Variants in FRMD4B observed in about 807,000 individuals in gnomAD.
FRMD4B encodes FERM domain-containing protein 4B.
A neutral mutation model predicts 141.5 loss-of-function variants in FRMD4B; 74 were observed. The ratio of observed to expected loss-of-function variants is 0.52; its 90% confidence interval spans 0.43 to 0.63. FRMD4B has a LOEUF of 0.63. Ranked by LOEUF, FRMD4B falls within the 30% of genes least tolerant of loss-of-function variation. FRMD4B has a pLI of 0.00. For missense variants in FRMD4B, 1,366 were observed against 1,253.4 expected, an observed-to-expected ratio of 1.09 and a Z score of -1.36; for synonymous variants, 506 against 467.9, an observed-to-expected ratio of 1.08 and a Z score of -1.05.
chr3:69,318,908 G>T (rs901233578), intron 1 of FRMD4B, among the ~76,000 whole-genome samples: 2 of 152,144 alleles, frequency 1.3e-5, no homozygotes, highest in African/African-American at 4.8e-5. Context: ...GAGCTTTGTG[G>T]TCTCTGGTTC....
At chr3:69,481,798 T>G (rs1706129401) in intron 1 of FRMD4B, among the ~76,000 whole-genome samples, 1 of 152,172 alleles carries the variant, frequency 6.6e-6, no homozygotes, top group South Asian at 2.1e-4. Flanking sequence ...CAGTTGACCT[T>G]GTTGGAGTCA....
chr3:69,287,690 T>C, intron 5 of FRMD4B, 62 bp downstream of exon 5: 1 of 831,974 alleles, frequency 1.2e-6, no homozygotes, highest in Non-Finnish European at 2.0e-6. Flanking sequence ...GCAAAACCAT[T>C]TCTTCCTGTC....
intron 1 of FRMD4B, among the ~76,000 whole-genome samples, chr3:69,440,449 T>C (rs1705326322): frequency 6.6e-6 from 1 of 152,250 alleles, no homozygotes; most frequent in South Asian, 2.1e-4. Context: ...TCTATGGCTT[T>C]ATAATAAATT....
At chr3:69,302,695 A>T (rs1461065075) in intron 3 of FRMD4B, among the ~76,000 whole-genome samples, 1 of 152,196 alleles carries the variant, frequency 6.6e-6, no homozygotes, top group Non-Finnish European at 1.5e-5. Flanking sequence ...ATATGAAATC[A>T]CTCACTGTAG....
chr3:69,495,234 C>T (rs750633627), intron 1 of FRMD4B, among the ~76,000 whole-genome samples: 19 of 152,172 alleles, frequency 1.2e-4, no homozygotes, highest in Non-Finnish European at 2.4e-4. Context: ...GACAAGAACT[C>T]CCAATCCTGC....
chr3:69,476,687 G>A, intron 1 of FRMD4B, among the ~76,000 whole-genome samples: 1 of 151,978 alleles, frequency 6.6e-6, no homozygotes, highest in Admixed American at 6.6e-5. Context: ...GGCAATGAGG[G>A]CTCTTTTTTG....
intron 1 of FRMD4B, among the ~76,000 whole-genome samples, chr3:69,526,604 A>C (rs182974622): frequency 2.0e-5 from 3 of 152,102 alleles, no homozygotes; most frequent in Non-Finnish European, 2.9e-5. Context: ...GGGCCGAGAA[A>C]ATTGTTAGGC....
At chr3:69,412,675 C>T (rs140849716) in intron 2 of FRMD4B, among the ~76,000 whole-genome samples, 1 of 152,150 alleles carries the variant, frequency 6.6e-6, no homozygotes, top group African/African-American at 2.4e-5. Flanking sequence ...CATTAATTTA[C>T]TTAGGTTATC....
chr3:69,433,362 C>A (rs1308259249), intron 1 of FRMD4B, among the ~76,000 whole-genome samples: 1 of 152,214 alleles, frequency 6.6e-6, no homozygotes, highest in Non-Finnish European at 1.5e-5. Context: ...AGTCAATAAG[C>A]ATGCTTCTCC....
intron 1 of FRMD4B, among the ~76,000 whole-genome samples, chr3:69,491,986 C>T (rs747980593): frequency 2.0e-4 from 30 of 152,218 alleles, no homozygotes; most frequent in Non-Finnish European, 3.4e-4. Flanking sequence ...CCTCCTCCGC[C>T]GTACCCCCGC....
intron 5 of FRMD4B, among the ~76,000 whole-genome samples, chr3:69,274,725 G>T (rs1266859924): frequency 1.3e-5 from 2 of 152,042 alleles, no homozygotes; most frequent in Non-Finnish European, 2.9e-5. Context: ...TACCATGTTG[G>T]CCAGGCTGGT....
At chr3:69,382,408 C>G (rs534669922) in intron 1 of FRMD4B, among the ~76,000 whole-genome samples, 5 of 152,344 alleles carry the variant, frequency 3.3e-5, no homozygotes, top group African/African-American at 1.2e-4. Context: ...CTCCTGACCT[C>G]AAGTGATCTG....
intron 2 of FRMD4B, among the ~76,000 whole-genome samples, chr3:69,425,833 TG>T (rs1420175934): frequency 6.6e-6 from 1 of 152,276 alleles, no homozygotes; most frequent in Admixed American, 6.5e-5. Context: ...CCCAAGTAAG[TG>T]GGGGAGCCAA....
chr3:69,419,102 G>A (rs1239724384), intron 2 of FRMD4B, among the ~76,000 whole-genome samples: 1 of 152,122 alleles, frequency 6.6e-6, no homozygotes, highest in Non-Finnish European at 1.5e-5. Context: ...CCAGCAAATG[G>A]ATTTACATTA....
At chr3:69,222,046 T>C (rs1224235798) in intron 8 of FRMD4B, 123 bp from the exon 9 acceptor site, 10 of 664,484 alleles carry the variant, frequency 1.5e-5, no homozygotes, top group Non-Finnish European at 2.8e-5. Flanking sequence ...ACTTGTTTGG[T>C]AGATAGAGTT....
intron 2 of FRMD4B, among the ~76,000 whole-genome samples, chr3:69,417,966 C>T (rs1704897910): frequency 6.6e-6 from 1 of 152,156 alleles, no homozygotes; most frequent in South Asian, 2.1e-4. Flanking sequence ...CTGTGTGTCT[C>T]TCTAGCCTCC....
rs1289505546 is a variant in FRMD4B at position 69,386,042 on chromosome 3, C to T, written c.-53G>A. 88 of 1,404,888 alleles carry T rather than the reference C, an allele frequency of 6.3e-5. No homozygotes were observed. The highest frequency in any genetic ancestry group is 7.9e-5 in the Non-Finnish European group (84 of 1,063,264). 87.0% of individuals were successfully genotyped at this position (1,404,888 alleles called of 1,614,324 possible). On this transcript the variant is annotated 5_prime_UTR_variant, in exon 1 of 23. Transcript: ENST00000398540. Reference sequence around the variant, plus strand: ...GTCCCGGCTCTCGTACGTGCAGCCCCGACCCCAGCGGCCTGCCCGCCTGGG... The same window carrying T: ...GTCCCGGCTCTCGTACGTGCAGCCCTGACCCCAGCGGCCTGCCCGCCTGGG...
chr3:69,475,674 C>T (rs1328801453), intron 1 of FRMD4B, among the ~76,000 whole-genome samples: 1 of 152,094 alleles, frequency 6.6e-6, no homozygotes, highest in Non-Finnish European at 1.5e-5. Flanking sequence ...CATACGTGTG[C>T]ATGTGTCTTT....
chr3:69,233,322 C>A (rs1405416571), intron 7 of FRMD4B, among the ~76,000 whole-genome samples: 1 of 151,382 alleles, frequency 6.6e-6, no homozygotes, highest in Non-Finnish European at 1.5e-5. Context: ...TCTCTATGAA[C>A]AATACAGAAA....
Sources: allele counts gnomAD v4.1 joint callset (sites outside exome capture counted in the v4.1 genomes callset), GRCh38; gene constraint gnomAD v4.1.1; transcripts MANE v1.5; gene names NCBI Gene and HGNC (gene_info 2026-07-23, HGNC 2026-07-21).